ADAM10: variants seen among roughly 807,000 people sequenced by gnomAD.
ADAM10 encodes the protein disintegrin and metalloproteinase domain-containing protein 10.
ADAM10 carries 17 observed loss-of-function variants against 90.1 expected under a neutral mutation model. That is an observed-to-expected ratio of 0.19 (90% confidence interval 0.13 to 0.28). The LOEUF is 0.28. Among genes scored for constraint, ADAM10 ranks in the 10% least tolerant of loss-of-function variants. The pLI, the probability that ADAM10 is intolerant of heterozygous loss-of-function variation, is 1.00. For synonymous variants in ADAM10, 310 were observed against 298.6 expected (o/e 1.04, Z -0.40); for missense variants, 610 against 914.3 (o/e 0.67, Z 4.29).
intron 2 of ADAM10, chr15:58,691,612 A>C: frequency 2.2e-6 from 1 of 455,262 alleles, no homozygotes; most frequent in Non-Finnish European, 4.3e-6. Context: ...ACCTCATCTA[A>C]TTTCTTGTTA....
intron 2 of ADAM10, among the ~76,000 whole-genome samples, chr15:58,695,820 C>A (rs1233648005): frequency 6.6e-6 from 1 of 151,686 alleles, no homozygotes; most frequent in Non-Finnish European, 1.5e-5. Context: ...GTCTCTATTA[C>A]AAATATAAAA....
intron 2 of ADAM10, among the ~76,000 whole-genome samples, chr15:58,699,326 G>C (rs1475560420): frequency 3.3e-5 from 5 of 152,122 alleles, no homozygotes; most frequent in African/African-American, 1.2e-4. Flanking sequence ...AAAAGATGAT[G>C]ATCACCATCA....
chr15:58,676,590 AATG>A (rs1263872827), intron 4 of ADAM10, among the ~76,000 whole-genome samples: 1 of 152,194 alleles, frequency 6.6e-6, no homozygotes, highest in Non-Finnish European at 1.5e-5. Flanking sequence ...AAATCAAAAG[AATG>A]ATATTTTATG....
intron 11 of ADAM10, among the ~76,000 whole-genome samples, chr15:58,617,897 CAA>C (rs75681109): frequency 1.4e-4 from 12 of 82,986 alleles, no homozygotes; most frequent in African/African-American, 1.8e-4. Context: ...CTGAACAAGT[CAA>C]AAAAAAAAAA....
At chr15:58,712,778 T>C (rs972056640) in intron 2 of ADAM10, among the ~76,000 whole-genome samples, 1 of 151,364 alleles carries the variant, frequency 6.6e-6, no homozygotes, top group Non-Finnish European at 1.5e-5. Context: ...GTAAGCCAAG[T>C]TCCCCCCACT....
At chr15:58,718,181 TAAA>T (rs1337727151) in intron 1 of ADAM10, among the ~76,000 whole-genome samples, 11 of 151,858 alleles carry the variant, frequency 7.2e-5, no homozygotes, top group South Asian at 2.1e-4. Context: ...TAAAAATAAA[TAAA>T]AAGTTAAAAA....
chr15:58,683,089 A>C (rs1315637897), intron 2 of ADAM10, among the ~76,000 whole-genome samples: 4 of 152,216 alleles, frequency 2.6e-5, no homozygotes, highest in Non-Finnish European at 4.4e-5. Flanking sequence ...AATTACTTTA[A>C]ATATTAGAGA....
At chr15:58,609,879 C>G (rs1018802264) in intron 14 of ADAM10, 3 of 223,266 alleles carry the variant, frequency 1.3e-5, no homozygotes, top group Non-Finnish European at 2.7e-5. Flanking sequence ...TTTCCTATTA[C>G]AAACAAGATA....
intron 1 of ADAM10, among the ~76,000 whole-genome samples, chr15:58,730,447 G>C (rs1229590846): frequency 6.6e-6 from 1 of 152,178 alleles, no homozygotes; most frequent in Non-Finnish European, 1.5e-5. Context: ...AAATGTTACA[G>C]AACAGGTATT....
chr15:58,651,492 T>C (rs1452204582), intron 5 of ADAM10, among the ~76,000 whole-genome samples: 1 of 152,206 alleles, frequency 6.6e-6, no homozygotes, highest in African/African-American at 2.4e-5. Context: ...CTCCTACAAA[T>C]AAGTGAGAAT....
At chr15:58,621,179 A>G (rs962838407) in intron 11 of ADAM10, among the ~76,000 whole-genome samples, 2 of 146,416 alleles carry the variant, frequency 1.4e-5, no homozygotes, top group African/African-American at 2.5e-5. Flanking sequence ...GGGAGGATCA[A>G]TTGAGCCCGG....
At chr15:58,602,085 T>A (rs1402236499) in intron 14 of ADAM10, among the ~76,000 whole-genome samples, 2 of 152,208 alleles carry the variant, frequency 1.3e-5, no homozygotes, top group African/African-American at 4.8e-5. Context: ...TATGTAAATA[T>A]CCTGTTCTTC....
intron 8 of ADAM10, among the ~76,000 whole-genome samples, chr15:58,633,626 T>C (rs1451908078): frequency 6.6e-6 from 1 of 152,194 alleles, no homozygotes; most frequent in African/African-American, 2.4e-5. Flanking sequence ...GTCCCCCAAA[T>C]GTTATTCCCA....
In ADAM10 at chr15:58,593,175, T is replaced by C. The variant is rs1566960185; in HGVS notation, c.*4372A>G. 1.5e-5 allele frequency: 1 copy of C among 66,776 alleles called. No individual in the cohort carries two copies. Among genetic ancestry groups the C allele is most frequent in the Non-Finnish European group, 2.9e-5 (1 of 34,352 alleles). 4.1% of individuals were successfully genotyped at this position (66,776 alleles called of 1,614,324 possible). A position where few individuals can be genotyped will look rare whatever the true frequency, so the allele number is the denominator to read the frequency against. On this transcript the variant is annotated 3_prime_UTR_variant, in exon 16 of 16. Transcript: ENST00000260408. ...TTTTTTTTTTTTTTTTTTTTTTTTTTTTTTTTTTTTTTTTTTTTTTTTGAG... is the reference window on the plus strand; with the variant it reads ...TTTTTTTTTTTTTTTTTTTTTTTTTCTTTTTTTTTTTTTTTTTTTTTTGAG...
At chr15:58,625,541 TGTGCA>T (rs1895911371) in intron 10 of ADAM10, among the ~76,000 whole-genome samples, 1 of 152,214 alleles carries the variant, frequency 6.6e-6, no homozygotes, top group African/African-American at 2.4e-5. Context: ...CTGGATCATT[TGTGCA>T]GTGCTGGTGA....
intron 1 of ADAM10, among the ~76,000 whole-genome samples, chr15:58,735,385 A>T (rs1277771900): frequency 6.6e-6 from 1 of 152,176 alleles, no homozygotes; most frequent in Non-Finnish European, 1.5e-5. Context: ...TCCTAATTTT[A>T]TCCCTCCTGA....
intron 14 of ADAM10, among the ~76,000 whole-genome samples, chr15:58,606,244 G>A (rs1895271592): frequency 6.6e-6 from 1 of 152,122 alleles, no homozygotes; most frequent in Non-Finnish European, 1.5e-5. Context: ...TATAGTCTGG[G>A]CTTTGAATAT....
intron 2 of ADAM10, among the ~76,000 whole-genome samples, chr15:58,688,517 T>TC (rs1208435634): frequency 4.7e-5 from 7 of 148,944 alleles, no homozygotes; most frequent in Admixed American, 1.3e-4. Flanking sequence ...AGAAAATTAG[T>TC]CCCCCCCAAA....
intron 1 of ADAM10, among the ~76,000 whole-genome samples, chr15:58,744,663 A>G (rs1274414253): frequency 6.6e-6 from 1 of 152,258 alleles, no homozygotes; most frequent in Non-Finnish European, 1.5e-5. Flanking sequence ...TTAAGGAGAT[A>G]GTAAATGTGT....
Sources: gnomAD v4.1 joint callset for allele counts (sites outside exome capture counted in the v4.1 genomes callset) on GRCh38, gnomAD v4.1.1 for gene constraint, MANE v1.5 for transcripts, NCBI Gene and HGNC (gene_info 2026-07-23, HGNC 2026-07-21) for gene names.